The following PCDH15 variants were observed in gnomAD, a reference collection of about 807,000 sequenced individuals.
The protein encoded by PCDH15 is protocadherin related 15, also known as protocadherin-15.
Under a neutral mutation model 178.5 loss-of-function variants are expected in PCDH15, and 129 were observed. The ratio of observed to expected loss-of-function variants is 0.72; its 90% CI spans 0.63 to 0.84. The LOEUF is 0.84. Among genes scored for constraint, PCDH15 ranks in the 40% least tolerant of loss-of-function variants. PCDH15 has a pLI of 0.00. For missense variants in PCDH15, 2,230 were observed against 2,099.9 expected (o/e 1.06, Z -1.21); for synonymous variants, 800 against 732.0 (o/e 1.09, Z -1.50).
intron 2 of PCDH15, among the ~76,000 whole-genome samples, chr10:55,069,291 T>A (rs1591875879): frequency 6.6e-6 from 1 of 151,596 alleles, no homozygotes; most frequent in African/African-American, 2.4e-5. Context: ...AATTTTTTTT[T>A]TATACTTTAA....
chr10:55,311,335 A>G (rs921657691), intron 1 of PCDH15, among the ~76,000 whole-genome samples: 17 of 152,202 alleles, frequency 1.1e-4, no homozygotes, highest in South Asian at 8.3e-4. Context: ...GCTTGTTAAT[A>G]TGAGATTCCC....
chr10:54,306,993 A>G (rs2060509844), intron 8 of PCDH15, among the ~76,000 whole-genome samples: 1 of 125,600 alleles, frequency 8.0e-6, no homozygotes, highest in African/African-American at 2.9e-5. Flanking sequence ...GGCTTGTTTG[A>G]AATTAAATAT....
At chr10:54,507,699 T>G (rs182215566) in intron 3 of PCDH15, among the ~76,000 whole-genome samples, 1 of 152,106 alleles carries the variant, frequency 6.6e-6, no homozygotes, top group African/African-American at 2.4e-5. Flanking sequence ...GTAAGTAAGT[T>G]TCCCAAGCAA....
In PCDH15 at chr10:53,857,272, AG is replaced by A; in HGVS notation, c.3718-10del. 6.3e-7 allele frequency: 1 copy of A among 1,597,242 alleles called. No homozygotes were observed. Among genetic ancestry groups the A allele is most frequent in the Non-Finnish European group, 8.6e-7 (1 of 1,164,992 alleles). On this transcript the variant is annotated splice_polypyrimidine_tract_variant and intron_variant, in intron 27 of 37. Coordinates refer to ENST00000644397, the MANE Select transcript of PCDH15 (RefSeq NM_001384140.1). ...TGATTGACCACGGAGACCTGAAAGA[AG>A]AAAAAACAGAATTCATTTAATTTTT...
chr10:54,959,270 C>T (rs530018443), intron 2 of PCDH15, among the ~76,000 whole-genome samples: 5 of 151,988 alleles, frequency 3.3e-5, no homozygotes, highest in Non-Finnish European at 4.4e-5. Flanking sequence ...AAAATATAAG[C>T]ATTAACTATT....
intron 7 of PCDH15, among the ~76,000 whole-genome samples, chr10:54,327,327 T>G (rs1453208284): frequency 6.6e-6 from 1 of 151,650 alleles, no homozygotes; most frequent in Non-Finnish European, 1.5e-5. Context: ...TGGCCCTCCC[T>G]AATACATTTT....
chr10:54,167,831 AC>A, intron 13 of PCDH15, among the ~76,000 whole-genome samples: 1 of 149,074 alleles, frequency 6.7e-6, no homozygotes, highest in African/African-American at 2.5e-5. Flanking sequence ...CCATGCCCCA[AC>A]CCCTTATTTC....
At chr10:55,448,937 C>A (rs904530466) in intron 2 of PCDH15, among the ~76,000 whole-genome samples, 8 of 151,914 alleles carry the variant, frequency 5.3e-5, no homozygotes, top group South Asian at 2.1e-4. Context: ...ATTTTCAATT[C>A]TTTTATCAGG....
intron 3 of PCDH15, among the ~76,000 whole-genome samples, chr10:54,444,502 T>C (rs904002237): frequency 6.6e-6 from 1 of 151,712 alleles, no homozygotes; most frequent in African/African-American, 2.4e-5. Context: ...TTCCTTCAAA[T>C]AGAAAGATTT....
At chr10:54,310,014 T>A (rs1050547939) in intron 8 of PCDH15, among the ~76,000 whole-genome samples, 8 of 152,086 alleles carry the variant, frequency 5.3e-5, no homozygotes, top group African/African-American at 1.7e-4. Context: ...TTAGGTTAAC[T>A]GATATGAACC....
chr10:54,208,432 A>T (rs1564685618), intron 10 of PCDH15, among the ~76,000 whole-genome samples: 1 of 152,036 alleles, frequency 6.6e-6, no homozygotes, highest in Non-Finnish European at 1.5e-5. Flanking sequence ...AGAGGTAATT[A>T]AGTCATGAGA....
intron 1 of PCDH15, among the ~76,000 whole-genome samples, chr10:54,730,838 T>C (rs566614779): frequency 4.4e-4 from 66 of 151,454 alleles, no homozygotes; most frequent in African/African-American, 1.5e-3. Flanking sequence ...ACGACACTGG[T>C]CTATGTAAAG....
chr10:55,198,486 A>G (rs1840154007), intron 1 of PCDH15, among the ~76,000 whole-genome samples: 1 of 151,898 alleles, frequency 6.6e-6, no homozygotes, highest in South Asian at 2.1e-4. Flanking sequence ...TAAGTTATTT[A>G]TTTATTTTAT....
In PCDH15 at chr10:54,141,598, T is replaced by G. The variant is rs116906534; in HGVS notation, c.1785-8591A>C. Among the ~76,000 whole-genome samples, 1,205 of 152,246 alleles carry G rather than the reference T, an allele frequency of 7.9e-3. 8 individuals carry two copies. The highest frequency in any genetic ancestry group is 0.012 in the Admixed American group (190 of 15,286). On this transcript the variant is annotated intron_variant, in intron 14 of 37. Coordinates refer to ENST00000644397, the MANE Select transcript of PCDH15 (RefSeq NM_001384140.1). ...ACTGGGCTGTTTTTTTAAGAAAAAT[T>G]TTATTGATTGGGATTTCTCTGAAAC... is the stretch of plus-strand genomic sequence containing the variant.
chr10:54,730,143 CA>C (rs1195084279), intron 1 of PCDH15, among the ~76,000 whole-genome samples: 1 of 151,622 alleles, frequency 6.6e-6, no homozygotes, highest in African/African-American at 2.4e-5. Flanking sequence ...GACATGGAAT[CA>C]ACCTAAATGA....
At position 55,215,920 on chromosome 10, in the gene PCDH15, T is replaced by C. The variant is rs78121858; in HGVS notation, c.-155-49269A>G. Among the ~76,000 whole-genome samples, 2 of 152,118 alleles carry C rather than the reference T, an allele frequency of 1.3e-5. 1 individual carries two copies. Among genetic ancestry groups the C allele is most frequent in the African/African-American group, 4.8e-5 (2 of 41,472 alleles). On this transcript the variant is annotated intron_variant, in intron 1 of 5. Transcript: ENST00000458638. ...TATGACACAACACGAAGCAGTATAATGCAGTGCTTGACAGTTGTATGGGAG... is the reference window on the plus strand; with the variant it reads ...TATGACACAACACGAAGCAGTATAACGCAGTGCTTGACAGTTGTATGGGAG...
At chr10:54,473,822 A>G (rs2078085196) in intron 3 of PCDH15, among the ~76,000 whole-genome samples, 1 of 151,952 alleles carries the variant, frequency 6.6e-6, no homozygotes, top group Admixed American at 6.6e-5. Flanking sequence ...ATTTATAAAC[A>G]TAGGAATTCT....
chr10:55,260,168 T>G (rs1842112777), intron 1 of PCDH15, among the ~76,000 whole-genome samples: 1 of 152,108 alleles, frequency 6.6e-6, no homozygotes, highest in East Asian at 1.9e-4. Context: ...TAAGAATTGT[T>G]TAATTGTTTA....
intron 26 of PCDH15, among the ~76,000 whole-genome samples, chr10:53,879,639 A>C (rs2080544812): frequency 6.6e-6 from 1 of 152,264 alleles, no homozygotes; most frequent in South Asian, 2.1e-4. Flanking sequence ...ATTCAAAACC[A>C]ACATTCAAAC....
Sources: allele counts gnomAD v4.1 joint callset (sites outside exome capture counted in the v4.1 genomes callset), GRCh38; gene constraint gnomAD v4.1.1; transcripts MANE v1.5; gene names NCBI Gene and HGNC (gene_info 2026-07-23, HGNC 2026-07-21).